Variants in ADGRL3 observed in about 807,000 individuals in gnomAD.
ADGRL3 encodes the protein calcium-independent alpha-latrotoxin receptor 3.
A neutral mutation model predicts 153.5 loss-of-function variants in ADGRL3; 62 were observed. The ratio of observed to expected loss-of-function variants is 0.40; its 90% confidence interval spans 0.33 to 0.50. The LOEUF is 0.50. Ranked by LOEUF, ADGRL3 falls within the 20% of genes least tolerant of loss-of-function variation. ADGRL3 has a pLI of 0.47. For missense variants in ADGRL3, 1,641 were observed against 1,859.4 expected (o/e 0.88, Z 2.16); for synonymous variants, 710 against 672.5 (o/e 1.06, Z -0.86).
chr4:62,010,268 C>T (rs1050912640), intron 21 of ADGRL3, among the ~76,000 whole-genome samples: 9 of 152,084 alleles, frequency 5.9e-5, no homozygotes, highest in African/African-American at 1.9e-4. Flanking sequence ...AACGAGGCCC[C>T]ATGCTGAAGT....
At chr4:61,861,540 G>T (rs1181790882) in intron 9 of ADGRL3, among the ~76,000 whole-genome samples, 2 of 152,000 alleles carry the variant, frequency 1.3e-5, no homozygotes, top group Non-Finnish European at 2.9e-5. Flanking sequence ...AGGTGGGGTT[G>T]TGATTATCTG....
At chr4:61,951,690 A>C (rs935964081) in intron 17 of ADGRL3, among the ~76,000 whole-genome samples, 7 of 151,722 alleles carry the variant, frequency 4.6e-5, no homozygotes, top group African/African-American at 1.7e-4. Context: ...ACATGGCAGA[A>C]CTCCCTCTCC....
intron 1 of ADGRL3, among the ~76,000 whole-genome samples, chr4:61,316,656 C>T (rs2095224202): frequency 1.3e-5 from 2 of 152,062 alleles, no homozygotes; most frequent in African/African-American, 4.8e-5. Flanking sequence ...AGTTAGAAGC[C>T]TGCTGCAGTT....
At chr4:61,302,545 C>A (rs543022292) in intron 1 of ADGRL3, among the ~76,000 whole-genome samples, 1 of 151,692 alleles carries the variant, frequency 6.6e-6, no homozygotes, top group East Asian at 1.9e-4. Context: ...GACTAAAATT[C>A]TTTTGTCATA....
intron 11 of ADGRL3, among the ~76,000 whole-genome samples, chr4:61,907,934 G>A (rs768764429): frequency 4.6e-5 from 7 of 152,206 alleles, no homozygotes; most frequent in Non-Finnish European, 7.4e-5. Flanking sequence ...TATTTTCCTA[G>A]CCCTCACTCA....
At chr4:61,319,710 G>A (rs1038453871) in intron 1 of ADGRL3, among the ~76,000 whole-genome samples, 4 of 152,132 alleles carry the variant, frequency 2.6e-5, no homozygotes, top group Non-Finnish European at 5.9e-5. Flanking sequence ...ATCTGTTTGA[G>A]AGTACTTTGT....
At chr4:61,818,914 T>G (rs1318273821) in intron 9 of ADGRL3, among the ~76,000 whole-genome samples, 1 of 152,138 alleles carries the variant, frequency 6.6e-6, no homozygotes, top group African/African-American at 2.4e-5. Flanking sequence ...ATAAAGAGAT[T>G]TGTACAAATT....
At chr4:61,969,984 G>A (rs1360784637) in intron 17 of ADGRL3, among the ~76,000 whole-genome samples, 2 of 152,088 alleles carry the variant, frequency 1.3e-5, no homozygotes, top group Admixed American at 6.6e-5. Flanking sequence ...TTTCCAGAAA[G>A]CAAAAATTTA....
At chr4:61,651,709 G>C (rs929074076) in intron 5 of ADGRL3, among the ~76,000 whole-genome samples, 2 of 151,434 alleles carry the variant, frequency 1.3e-5, no homozygotes, top group African/African-American at 2.4e-5. Context: ...CTGTGTTCAA[G>C]CAATTCCCTC....
At chr4:62,021,407 C>A (rs1435062890) in intron 21 of ADGRL3, among the ~76,000 whole-genome samples, 1 of 151,982 alleles carries the variant, frequency 6.6e-6, no homozygotes, top group East Asian at 1.9e-4. Flanking sequence ...GTTTGCACGT[C>A]CATGTTTTCA....
intron 1 of ADGRL3, among the ~76,000 whole-genome samples, chr4:61,289,100 G>A (rs2094064740): frequency 1.3e-5 from 2 of 151,966 alleles, no homozygotes; most frequent in East Asian, 1.9e-4. Flanking sequence ...GTAGCACAGC[G>A]GAGGAATTCT....
intron 25 of ADGRL3, among the ~76,000 whole-genome samples, chr4:62,055,802 A>G (rs995572569): frequency 1.3e-5 from 2 of 151,752 alleles, no homozygotes; most frequent in African/African-American, 4.8e-5. Context: ...TTGTTTTGCT[A>G]CACCAAAAAG....
intron 9 of ADGRL3, among the ~76,000 whole-genome samples, chr4:61,891,319 TC>T (rs2098583383): frequency 6.6e-6 from 1 of 152,114 alleles, no homozygotes; most frequent in African/African-American, 2.4e-5. Flanking sequence ...CACTCTGCCT[TC>T]TTGTATGAAA....
intron 9 of ADGRL3, among the ~76,000 whole-genome samples, chr4:61,861,254 AT>A (rs2098337274): frequency 6.6e-6 from 1 of 152,186 alleles, no homozygotes; most frequent in East Asian, 1.9e-4. Flanking sequence ...TAAGATGTGA[AT>A]TTAGGCATCT....
chr4:61,465,892 C>A (rs549860258), intron 2 of ADGRL3, among the ~76,000 whole-genome samples: 1 of 151,470 alleles, frequency 6.6e-6, no homozygotes, highest in African/African-American at 2.4e-5. Context: ...GAGGCCTATG[C>A]GGGTGGATTG....
chr4:61,417,215 CG>C (rs1560597787), intron 2 of ADGRL3, among the ~76,000 whole-genome samples: 2 of 152,022 alleles, frequency 1.3e-5, no homozygotes, highest in African/African-American at 4.8e-5. Flanking sequence ...CAAACAAGAC[CG>C]GGGGTGGTGG....
At chr4:61,595,861 G>A (rs186783616) in intron 5 of ADGRL3, among the ~76,000 whole-genome samples, 1 of 152,252 alleles carries the variant, frequency 6.6e-6, no homozygotes, top group African/African-American at 2.4e-5. Flanking sequence ...CCTCTGTCTA[G>A]GGCTGGTCCA....
intron 9 of ADGRL3, among the ~76,000 whole-genome samples, chr4:61,856,789 G>A (rs965128242): frequency 6.6e-6 from 1 of 151,010 alleles, no homozygotes; most frequent in Admixed American, 6.6e-5. Context: ...ATTTTTAGTA[G>A]AGATGAGTTT....
chr4:61,240,019 A>G (rs1017210238), intron 1 of ADGRL3, among the ~76,000 whole-genome samples: 1 of 152,084 alleles, frequency 6.6e-6, no homozygotes, highest in Non-Finnish European at 1.5e-5. Flanking sequence ...TCTGCTTTAC[A>G]AAATATCTGA....
Sources: allele counts gnomAD v4.1 joint callset (sites outside exome capture counted in the v4.1 genomes callset), GRCh38; gene constraint gnomAD v4.1.1; transcripts MANE v1.5; gene names NCBI Gene and HGNC (gene_info 2026-07-23, HGNC 2026-07-21).